USP7: variants seen among roughly 807,000 people sequenced by gnomAD.
USP7 encodes the protein ubiquitin specific peptidase 7, also known as ubiquitin C-terminal hydrolase 7.
A neutral mutation model predicts 162.9 loss-of-function variants in USP7; 9 were observed. The ratio of observed to expected loss-of-function variants is 0.06; its 90% confidence interval spans 0.03 to 0.10. USP7 has a LOEUF of 0.10. USP7 is among the 10% of genes least tolerant of loss of function. USP7 has a pLI of 1.00. For synonymous variants in USP7, 562 were observed against 475.9 expected (o/e 1.18, Z -2.35); for missense variants, 715 against 1,373.7 (o/e 0.52, Z 7.58).
chr16:8,948,339 T>C (rs545959009), intron 1 of USP7, among the ~76,000 whole-genome samples: 5 of 152,250 alleles, frequency 3.3e-5, no homozygotes, highest in African/African-American at 9.6e-5. Flanking sequence ...CACGCCATCA[T>C]GGCTGACTAA....
At chr16:8,939,269 G>A (rs1159751116) in intron 1 of USP7, among the ~76,000 whole-genome samples, 2 of 152,096 alleles carry the variant, frequency 1.3e-5, no homozygotes, top group Non-Finnish European at 2.9e-5. Flanking sequence ...CCCGGCGTGC[G>A]TGCTCCCCCA....
At chr16:8,897,615 C>T (rs1567206288) in intron 25 of USP7, among the ~76,000 whole-genome samples, 2 of 145,802 alleles carry the variant, frequency 1.4e-5, no homozygotes, top group Non-Finnish European at 3.0e-5. Context: ...GTAATGCCAA[C>T]ACTCTGGGAG....
Position 8,899,206 on chromosome 16 carries a change from AGGTTC to A in USP7, c.2464-23_2464-19del, listed in dbSNP as rs775307564. ...TTTGCAACCTAAGACACAGAAAGGAAGGTTCACATTTTGGGGAAAAATTGAAACTT... is the reference window on the plus strand; with the variant it reads ...TTTGCAACCTAAGACACAGAAAGGAAACATTTTGGGGAAAAATTGAAACTT... On this transcript the variant is annotated intron_variant, in intron 22 of 30. Transcript: ENST00000344836. The A allele has an allele frequency of 2.0e-5, 32 of 1,613,088 alleles. No individual in the cohort carries two copies. The highest frequency in any genetic ancestry group is 1.3e-4 in the Admixed American group (8 of 59,838).
chr16:8,902,496 T>C lies in USP7; in HGVS notation c.1840-14A>G. 6.2e-6 allele frequency: 10 copies of C among 1,608,334 alleles called. No homozygotes were observed. The highest frequency in any genetic ancestry group is 8.5e-6 in the Non-Finnish European group (10 of 1,175,958). ...TTGTGGAAATCCCTGAAAAAAATAT[T>C]AAGAGTAGATTAAAATAAAAACACG... is the stretch of plus-strand genomic sequence containing the variant. On this transcript the variant is annotated splice_polypyrimidine_tract_variant and intron_variant, in intron 16 of 30. Transcript: ENST00000344836.
At chr16:8,915,178 CA>C (rs2062009639) in intron 10 of USP7, 75 bp downstream of exon 10, 1 of 1,338,588 alleles carries the variant, frequency 7.5e-7, no homozygotes, top group South Asian at 1.3e-5. Context: ...AAAAAAACAT[CA>C]CTTGTGTAAA....
At position 8,906,653 on chromosome 16, in the gene USP7, A is replaced by G. The variant is rs977839994; in HGVS notation, c.1272-71T>C. Reference sequence around the variant, plus strand: ...AAAATATCACACTTTACAGTAAGTAAGGCCATTTAATGTACTGGCTCATCT... The same window carrying G: ...AAAATATCACACTTTACAGTAAGTAGGGCCATTTAATGTACTGGCTCATCT... On this transcript the variant is annotated intron_variant, in intron 12 of 30. Transcript: ENST00000344836. The G allele has an allele frequency of 3.4e-6, 5 of 1,474,294 alleles. No homozygotes were observed. The African/African-American group carries it at 7.0e-5, about 21-fold the overall frequency. The allele number at this position is 1,474,294 out of a possible 1,614,324, so 91.3% of individuals were successfully genotyped here. A position where few individuals can be genotyped will look rare whatever the true frequency, so the allele number is the denominator to read the frequency against.
chr16:8,935,232 G>C (rs950665971), intron 1 of USP7, among the ~76,000 whole-genome samples: 3 of 137,740 alleles, frequency 2.2e-5, no homozygotes, highest in South Asian at 4.4e-4. Flanking sequence ...AGACAGTCTC[G>C]TTCTGTCTCC....
chr16:8,918,914 C>G (rs192285710), intron 6 of USP7, 117 bp downstream of exon 6: 86 of 973,420 alleles, frequency 8.8e-5, no homozygotes, highest in Non-Finnish European at 1.2e-4. Flanking sequence ...TAGCAGCCAT[C>G]TGAGGAGACA....
chr16:8,929,570 A>T (rs1898199325), intron 2 of USP7: 1 of 455,930 alleles, frequency 2.2e-6, no homozygotes, highest in Admixed American at 2.3e-5. Context: ...CCTCATGAGG[A>T]TTGATGGACA....
intron 1 of USP7, among the ~76,000 whole-genome samples, chr16:8,947,147 C>G (rs1206234302): frequency 6.6e-6 from 1 of 152,130 alleles, no homozygotes; most frequent in South Asian, 2.1e-4. Flanking sequence ...TAAAATTACA[C>G]TGCAGCTGAC....
In USP7 at chr16:8,944,587, A is replaced by G. The variant is rs139025820; in HGVS notation, c.80-14190T>C. Among the ~76,000 whole-genome samples, 3 of 152,332 alleles carry G rather than the reference A, an allele frequency of 2.0e-5. No individual in the cohort carries two copies. The East Asian group carries it at 5.8e-4, about 29-fold the overall frequency. On this transcript the variant is annotated intron_variant, in intron 1 of 30. Transcript: ENST00000344836. ...TAACCAACTTCAAACAGGTTCCTTT[A>G]TTTGAATAAAACCACAAAAGGGAAC... is the stretch of plus-strand genomic sequence containing the variant.
chr16:8,947,425 T>A (rs991810405), intron 1 of USP7, among the ~76,000 whole-genome samples: 1 of 152,026 alleles, frequency 6.6e-6, no homozygotes, highest in African/African-American at 2.4e-5. Context: ...CTCGGCTCAC[T>A]GCAACCTCCA....
chr16:8,925,636 G>C (rs575558396), intron 2 of USP7, among the ~76,000 whole-genome samples: 9 of 152,172 alleles, frequency 5.9e-5, no homozygotes, highest in African/African-American at 2.2e-4. Context: ...GCCCCGCAGA[G>C]GCCACCGCGC....
chr16:8,946,002 T>C (rs1596409164), intron 1 of USP7, among the ~76,000 whole-genome samples: 1 of 151,972 alleles, frequency 6.6e-6, no homozygotes, highest in African/African-American at 2.4e-5. Context: ...CAGGGGAGAA[T>C]GGAAGAGTCC....
At position 8,905,381 on chromosome 16, in the gene USP7, A is replaced by G. The variant is rs762465941; in HGVS notation, c.1429-50T>C. On this transcript the variant is annotated intron_variant, in intron 13 of 30. Transcript: ENST00000344836. ...GCAGCGATCAAGCACTGTGACAAGTACCCAACACTAGAAGGCAGCGTTGTT... is the reference window on the plus strand; with the variant it reads ...GCAGCGATCAAGCACTGTGACAAGTGCCCAACACTAGAAGGCAGCGTTGTT... The G allele has an allele frequency of 1.9e-6, 3 of 1,600,328 alleles. No homozygotes were observed. The Admixed American group carries it at 5.0e-5, about 27-fold the overall frequency.
In USP7 at chr16:8,898,454, G is replaced by C. The variant is rs998571227; in HGVS notation, c.2641-17C>G. On this transcript the variant is annotated splice_polypyrimidine_tract_variant and intron_variant, in intron 24 of 30. Coordinates refer to ENST00000344836, the MANE Select transcript of USP7 (RefSeq NM_003470.3). Reference sequence around the variant, plus strand: ...CATCTTAAGCTATTAAGAAAAGAAAGATTCACATCAGATACCGTCACCAAA... The same window carrying C: ...CATCTTAAGCTATTAAGAAAAGAAACATTCACATCAGATACCGTCACCAAA... The C allele has an allele frequency of 1.2e-6, 2 of 1,610,182 alleles. No homozygotes were observed. Among genetic ancestry groups the C allele is most frequent in the African/African-American group, 2.7e-5 (2 of 74,704 alleles).
intron 27 of USP7, 34 bp from the exon 28 acceptor site, chr16:8,895,184 G>A (rs775111888): frequency 6.2e-7 from 1 of 1,613,998 alleles, no homozygotes; most frequent in South Asian, 1.1e-5. Flanking sequence ...AGTTCTGTAA[G>A]TGCAAGTGAT....
intron 21 of USP7, chr16:8,900,001 A>C (rs1002176527): frequency 3.5e-6 from 2 of 573,768 alleles, no homozygotes; most frequent in Non-Finnish European, 6.1e-6. Flanking sequence ...ACTACAAAAC[A>C]AAACCCCCTT....
At chr16:8,960,061 C>G (rs1352720426) in intron 1 of USP7, among the ~76,000 whole-genome samples, 1 of 152,230 alleles carries the variant, frequency 6.6e-6, no homozygotes, top group Non-Finnish European at 1.5e-5. Flanking sequence ...CACCGACCAT[C>G]TGAGTATTCA....
Sources: allele counts gnomAD v4.1 joint callset (sites outside exome capture counted in the v4.1 genomes callset), GRCh38; gene constraint gnomAD v4.1.1; transcripts MANE v1.5; gene names NCBI Gene and HGNC (gene_info 2026-07-23, HGNC 2026-07-21).